RCC1: variants seen among roughly 807,000 people sequenced by gnomAD.
The protein encoded by RCC1 is regulator of chromosome condensation.
A neutral mutation model predicts 44.4 loss-of-function variants in RCC1; 11 were observed. The observed-to-expected ratio is 0.25, with a 90% CI of 0.16 to 0.41. RCC1 has a LOEUF of 0.41. Among genes scored for constraint, RCC1 ranks in the 10% least tolerant of loss-of-function variants. RCC1 has a pLI of 1.00. For missense variants in RCC1, 386 were observed against 547.1 expected (o/e 0.71, Z 2.94); for synonymous variants, 213 against 216.5 (o/e 0.98, Z 0.14).
At chr1:28,521,637 G>A (rs138193913) in intron 4 of RCC1, among the ~76,000 whole-genome samples, 18 of 152,228 alleles carry the variant, frequency 1.2e-4, no homozygotes, top group East Asian at 3.9e-4. Context: ...CTCAGGTGCC[G>A]TCTCCACCGC....
intron 4 of RCC1, chr1:28,527,326 G>T: frequency 1.9e-6 from 1 of 525,596 alleles, no homozygotes. Context: ...TTTAGCCTCA[G>T]CCTCCCAGGC....
chr1:28,527,304 A>G (rs1052091680), intron 4 of RCC1: 2 of 564,846 alleles, frequency 3.5e-6, no homozygotes, highest in Admixed American at 2.6e-5. Context: ...CAGTGGCACA[A>G]TCTCAGCTCA....
chr1:28,528,815 A>AAAAAAT (rs1251998340), intron 4 of RCC1, among the ~76,000 whole-genome samples: 1 of 151,138 alleles, frequency 6.6e-6, no homozygotes, highest in Non-Finnish European at 1.5e-5. Context: ...CCAAAAAAAA[A>AAAAAAT]AAAAATGGAT....
chr1:28,520,763 C>T (rs2853718), intron 4 of RCC1, among the ~76,000 whole-genome samples: 3,459 of 152,216 alleles, frequency 0.023, 151 homozygotes, highest in African/African-American at 0.079. Flanking sequence ...CCAGCCCAGA[C>T]ACTCACTGCC....
At chr1:28,510,392 C>T (rs1662435136) in intron 3 of RCC1, 1 of 152,358 alleles carries the variant, frequency 6.6e-6, no homozygotes, top group Admixed American at 6.5e-5. Flanking sequence ...AATCCCAGCA[C>T]TTAGGCTAAG....
chr1:28,525,620 C>A (rs1462317848), intron 4 of RCC1, among the ~76,000 whole-genome samples: 3 of 152,110 alleles, frequency 2.0e-5, no homozygotes, highest in Non-Finnish European at 4.4e-5. Flanking sequence ...ATTCTCAGCC[C>A]TGGGAGAATA....
intron 3 of RCC1, among the ~76,000 whole-genome samples, chr1:28,515,644 G>C (rs986124870): frequency 6.6e-6 from 1 of 151,772 alleles, no homozygotes; most frequent in East Asian, 1.9e-4. Flanking sequence ...TTGAACCCAG[G>C]GGGCAGAGGT....
rs756199250 is a variant in RCC1, at chr1:28,536,880, G to A, written c.1071G>A (p.Gly357=). 2.5e-6 allele frequency: 4 copies of A among 1,613,938 alleles called. No individual in the cohort carries two copies. The highest frequency in any genetic ancestry group is 1.3e-5 in the African/African-American group (1 of 74,874). Reference sequence around the variant, plus strand: ...CGGTGGCTTGTGGGGCCTCTGTGGGGTATGCTGTGACCAAGGATGGTGAGT... The same window carrying A: ...CGGTGGCTTGTGGGGCCTCTGTGGGATATGCTGTGACCAAGGATGGTGAGT... ...VSSVACGASV[G]YAVTKDGRVF... is the part of the protein sequence containing the mutation. Residue 357 remains glycine (G), a synonymous_variant, in exon 12 of 13, where the codon GGG becomes GGA. Transcript: ENST00000683442. This position sits in a 1 kb window ranked among gnomAD's most constrained non-coding sequence, Gnocchi z 4.9.
rs1379196770 is a variant in RCC1, at chr1:28,536,942, G to T, written c.1090+43G>T. The T allele has an allele frequency of 6.2e-7, 1 of 1,608,324 alleles. No individual in the cohort carries two copies. The highest frequency in any genetic ancestry group is 8.5e-7 in the Non-Finnish European group (1 of 1,175,858). ...CACTCTGTCTAGTTGGGACCTGGGG[G>T]TCATGGTTCTTACCCAATTCCCCAA... is the stretch of plus-strand genomic sequence containing the variant. On this transcript the variant is annotated intron_variant, in intron 12 of 12. Transcript: ENST00000683442. The surrounding 1 kb of genome is among the most constrained non-coding windows in gnomAD (Gnocchi z 4.9).
chr1:28,508,268 C>A (rs1368908296), intron 2 of RCC1, 108 bp downstream of exon 2: 1 of 365,196 alleles, frequency 2.7e-6, no homozygotes, highest in Non-Finnish European at 5.5e-6. Flanking sequence ...GGATTTACCT[C>A]TGAGGCATTT....
chr1:28,521,393 C>G (rs548632767), intron 4 of RCC1, among the ~76,000 whole-genome samples: 48 of 143,258 alleles, frequency 3.4e-4, no homozygotes, highest in Admixed American at 7.0e-4. Flanking sequence ...CCCAGCTACT[C>G]GGGAGGCTGA....
chr1:28,536,943 T>G lies in RCC1; in HGVS notation c.1090+44T>G. The G allele has an allele frequency of 1.2e-6, 2 of 1,606,618 alleles. No individual in the cohort carries two copies. Among genetic ancestry groups the G allele is most frequent in the Non-Finnish European group, 1.7e-6 (2 of 1,174,698 alleles). On this transcript the variant is annotated intron_variant, in intron 12 of 12. Transcript: ENST00000683442. The surrounding 1 kb of genome is among the most constrained non-coding windows in gnomAD (Gnocchi z 4.9). ...ACTCTGTCTAGTTGGGACCTGGGGG[T>G]CATGGTTCTTACCCAATTCCCCAAT...
intron 1 of RCC1, 89 bp from the exon 2 acceptor site, chr1:28,508,039 G>A (rs4654319): frequency 2.6e-6 from 1 of 388,318 alleles, no homozygotes; most frequent in Non-Finnish European, 5.3e-6. Flanking sequence ...CAGTGCCACT[G>A]TACTCCAACC....
intron 5 of RCC1, chr1:28,530,755 C>T (rs1451590560): frequency 8.2e-6 from 5 of 612,018 alleles, no homozygotes; most frequent in South Asian, 6.2e-5. Flanking sequence ...CAGAGAGCCC[C>T]GGGCGCGCAC....
intron 4 of RCC1, chr1:28,527,224 G>A (rs976097466): frequency 1.5e-5 from 12 of 805,436 alleles, no homozygotes; most frequent in Middle Eastern, 3.5e-4. Context: ...CACAGCAGCC[G>A]CGATCTTCAG....
At chr1:28,515,373 G>A (rs1172100918) in intron 3 of RCC1, among the ~76,000 whole-genome samples, 10 of 151,862 alleles carry the variant, frequency 6.6e-5, no homozygotes, top group Admixed American at 5.3e-4. Flanking sequence ...GCAGTGAGCC[G>A]AGATCCTGCC....
In RCC1 at chr1:28,516,726, T is replaced by A. The variant is rs1199000582; in HGVS notation, c.-151T>A. 2.5e-6 allele frequency: 1 copy of A among 403,916 alleles called. No homozygotes were observed. Among genetic ancestry groups the A allele is most frequent in the East Asian group, 7.4e-5 (1 of 13,466 alleles). 25.0% of individuals were successfully genotyped at this position (403,916 alleles called of 1,614,324 possible). On this transcript the variant is annotated splice_region_variant and 5_prime_UTR_variant, in exon 4 of 13. Transcript: ENST00000683442. ...ATCACTTATTATTATTACATGAAGC[T>A]ACATGAATGTGTAAGATCTTGGAGG...
chr1:28,513,285 C>T (rs2124611890), intron 3 of RCC1, among the ~76,000 whole-genome samples: 1 of 152,234 alleles, frequency 6.6e-6, no homozygotes, highest in African/African-American at 2.4e-5. Flanking sequence ...ACCTCTGCCT[C>T]CCAGGTTCAA....
rs536698660 is a variant in RCC1 at position 28,528,887 on chromosome 1, A to G, written c.-9-971A>G. 1.3e-4 allele frequency among the ~76,000 whole-genome samples: 13 copies of G among 101,458 alleles called. No individual in the cohort carries two copies. In the South Asian group the frequency reaches 3.8e-3, roughly 30 times the overall value. The allele number at this position is 101,458 out of a possible 152,430, so 66.6% of individuals were successfully genotyped here. A position where few individuals can be genotyped will look rare whatever the true frequency, so the allele number is the denominator to read the frequency against. ...TTTGGTTGGGGGGTGGAGTTTCACTACTCTTTCTCCCAGGCTGGAGTGCTG... is the reference window on the plus strand; with the variant it reads ...TTTGGTTGGGGGGTGGAGTTTCACTGCTCTTTCTCCCAGGCTGGAGTGCTG... On this transcript the variant is annotated intron_variant, in intron 4 of 12. Transcript: ENST00000683442.
Sources: gnomAD v4.1 joint callset for allele counts (sites outside exome capture counted in the v4.1 genomes callset) on GRCh38, gnomAD v4.1.1 for gene constraint, Gnocchi (gnomAD v3.1) non-coding constraint, MANE v1.5 for transcripts, NCBI Gene and HGNC (gene_info 2026-07-23, HGNC 2026-07-21) for gene names.